PRDM11: variants seen among roughly 807,000 people sequenced by gnomAD.
PRDM11 encodes PR/SET domain 11.
A neutral mutation model predicts 97.8 loss-of-function variants in PRDM11; 20 were observed. The observed-to-expected ratio is 0.20, with a 90% CI of 0.14 to 0.30. The LOEUF (loss-of-function observed/expected upper bound fraction) is 0.30. PRDM11 is among the 10% of genes least tolerant of loss of function. The probability of loss-of-function intolerance (pLI) is 1.00; values close to 1 mark genes in which losing one functional copy is unlikely to be tolerated. For missense variants in PRDM11, 1,139 were observed against 1,555.2 expected, an observed-to-expected ratio of 0.73 and a Z score of 4.50; for synonymous variants, 599 against 637.7, an observed-to-expected ratio of 0.94 and a Z score of 0.91.
chr11:45,124,307 C>T (rs1485800880), intron 1 of PRDM11, among the ~76,000 whole-genome samples: 1 of 152,172 alleles, frequency 6.6e-6, no homozygotes, highest in Non-Finnish European at 1.5e-5. Flanking sequence ...ATTTGACTTC[C>T]TCTTTTCCTA....
chr11:45,132,480 G>A (rs1344747765), intron 1 of PRDM11, among the ~76,000 whole-genome samples: 1 of 152,146 alleles, frequency 6.6e-6, no homozygotes, highest in African/African-American at 2.4e-5. Context: ...TAATAAAAAA[G>A]TCTTAAATGT....
At position 45,231,987 on chromosome 11, in the gene PRDM11, G is replaced by A. The variant is rs932140563; in HGVS notation, c.*3828G>A. ...TGGCAAGGTTCAGTGCTGGGCCCTG[G>A]AATCTATGGCACTTGGGGGTCTCTG... On this transcript the variant is annotated 3_prime_UTR_variant, in exon 8 of 8. Transcript: ENST00000683152. 1 of 152,096 alleles carries A rather than the reference G, an allele frequency of 6.6e-6. No individual in the cohort carries two copies. Among genetic ancestry groups the A allele is most frequent in the East Asian group, 1.9e-4 (1 of 5,190 alleles). 9.4% of individuals were successfully genotyped at this position (152,096 alleles called of 1,614,324 possible).
At chr11:45,097,980 T>C (rs957992511) in intron 1 of PRDM11, among the ~76,000 whole-genome samples, 5 of 152,252 alleles carry the variant, frequency 3.3e-5, no homozygotes, top group African/African-American at 7.2e-5. Context: ...CTGGCTGGGA[T>C]TGGAGATGAA....
At chr11:45,150,040 C>G (rs918178745) in intron 1 of PRDM11, among the ~76,000 whole-genome samples, 1 of 152,192 alleles carries the variant, frequency 6.6e-6, no homozygotes, top group African/African-American at 2.4e-5. Context: ...GGGACTCCCC[C>G]TGCTGTGAGG....
chr11:45,164,391 G>A (rs953451172), intron 1 of PRDM11, among the ~76,000 whole-genome samples: 3 of 152,268 alleles, frequency 2.0e-5, no homozygotes, highest in Admixed American at 2.0e-4. Context: ...CCCTCCTGGG[G>A]CTGTTGGCTG....
Position 45,228,236 on chromosome 11 carries a change from AAATATATAT to A in PRDM11, c.*78_*86del. ...ACTCATAAGCTTTGATATATTATAT[AAATATATAT>A]TATATTATATTATATTATATTATAT... On this transcript the variant is annotated 3_prime_UTR_variant, in exon 8 of 8. Coordinates refer to ENST00000683152, the MANE Select transcript of PRDM11 (RefSeq NM_001384648.1). 2.9e-6 allele frequency: 1 copy of A among 344,174 alleles called. No individual in the cohort carries two copies. Among genetic ancestry groups the A allele is most frequent in the African/African-American group, 3.7e-5 (1 of 26,974 alleles). 21.3% of individuals were successfully genotyped at this position (344,174 alleles called of 1,614,324 possible). A position where few individuals can be genotyped will look rare whatever the true frequency, so the allele number is the denominator to read the frequency against.
Position 45,178,857 on chromosome 11 carries a change from G to C in PRDM11, c.-6-2904G>C, listed in dbSNP as rs561525708. 3.3e-5 allele frequency among the ~76,000 whole-genome samples: 5 copies of C among 152,360 alleles called. No homozygotes were observed. In the South Asian group the frequency reaches 1.0e-3, roughly 32 times the overall value. On this transcript the variant is annotated intron_variant, in intron 1 of 7. Transcript: ENST00000683152. ...CCAGGCACTGTTACAGGTGCTGGCA[G>C]TTCAATGGTGGCCTGCACCCTGTCC...
chr11:45,145,832 G>A (rs149476854), upstream of PRDM11, among the ~76,000 whole-genome samples: 1 of 152,284 alleles, frequency 6.6e-6, no homozygotes, highest in East Asian at 1.9e-4. Flanking sequence ...AGGAAAGCAT[G>A]TCAAGCACTC....
chr11:45,191,696 G>A (rs542401903), intron 4 of PRDM11, among the ~76,000 whole-genome samples: 5 of 152,108 alleles, frequency 3.3e-5, no homozygotes, highest in East Asian at 1.9e-4. Flanking sequence ...ACTGTCTCTC[G>A]TAGGAGCTGT....
In PRDM11 at chr11:45,200,418, G is replaced by A. The variant is rs183525872; in HGVS notation, c.487-4293G>A. Among the ~76,000 whole-genome samples, 112 of 152,282 alleles carry A rather than the reference G, an allele frequency of 7.4e-4. 2 individuals are homozygous for A. The East Asian group carries it at 0.015, about 21-fold the overall frequency. On this transcript the variant is annotated intron_variant, in intron 4 of 7. Transcript: ENST00000683152. ...AGTGCTAACAGTGACTGTTCACTGA[G>A]TGTCTTCCACTTCCATTATGACAGC...
At position 45,111,248 on chromosome 11, in the gene PRDM11, ATCTC is replaced by A. The variant is rs1852172824; in HGVS notation, c.96+15352_96+15355del. ...CTGTCCCTCCACCACTTCCCCTCCC[ATCTC>A]TCTCCCAGCATGTCTCCCTATTTTT... On this transcript the variant is annotated intron_variant, in intron 1 of 6. Transcript: ENST00000530656. Among the ~76,000 whole-genome samples, 2 of 115,850 alleles carry A rather than the reference ATCTC, an allele frequency of 1.7e-5. 1 individual carries two copies. Among genetic ancestry groups the A allele is most frequent in the African/African-American group, 5.0e-5 (2 of 39,866 alleles). The allele number at this position is 115,850 out of a possible 152,430, so 76.0% of individuals were successfully genotyped here. A position where few individuals can be genotyped will look rare whatever the true frequency, so the allele number is the denominator to read the frequency against.
rs1430408926 is a variant in PRDM11 at position 45,224,253 on chromosome 11, T to A, written c.779T>A (p.Val260Asp). Residue 260 changes from valine (V) to aspartate (D), a missense_variant, in exon 7 of 8, where the codon GTT becomes GAT. Coordinates refer to ENST00000683152, the MANE Select transcript of PRDM11 (RefSeq NM_001384648.1). ...TTGCAGAGGGAGAAGTCTGAGCAGG[T>A]TCTGGATAACCCAGAAGACCTGAGG... ...KRLQREKSEQ[V>D]LDNPEDLRGP... 6.2e-7 allele frequency: 1 copy of A among 1,609,926 alleles called. No individual in the cohort carries two copies. The highest frequency in any genetic ancestry group is 1.1e-5 in the South Asian group (1 of 90,168).
At chr11:45,130,614 T>G (rs1159243388) in intron 1 of PRDM11, among the ~76,000 whole-genome samples, 2 of 152,190 alleles carry the variant, frequency 1.3e-5, no homozygotes, top group African/African-American at 2.4e-5. Context: ...TTTTTGAGAG[T>G]GTAAATTGAT....
Position 45,224,473 on chromosome 11 carries a change from A to G in PRDM11, c.999A>G (p.Lys333=). ...LALSTSLVIR[K]VPKYQDDAYS... is the part of the protein sequence containing the mutation. ...TGAGCACCTCACTGGTCATCAGGAA[A>G]GTCCCCAAATACCAGGATGACGCCT... Residue 333 remains lysine (K), a synonymous_variant, in exon 7 of 8, where the codon AAA becomes AAG. Coordinates refer to ENST00000683152, the MANE Select transcript of PRDM11 (RefSeq NM_001384648.1). 1 of 1,614,192 alleles carries G rather than the reference A, an allele frequency of 6.2e-7. No individual in the cohort carries two copies. The highest frequency in any genetic ancestry group is 8.5e-7 in the Non-Finnish European group (1 of 1,180,040).
At position 45,228,925 on chromosome 11, in the gene PRDM11, C is replaced by G. The variant is rs1854342303; in HGVS notation, c.*766C>G. The G allele has an allele frequency of 6.6e-6, 1 of 152,164 alleles. No individual in the cohort carries two copies. Among genetic ancestry groups the G allele is most frequent in the South Asian group, 2.1e-4 (1 of 4,818 alleles). The allele number at this position is 152,164 out of a possible 1,614,324, so 9.4% of individuals were successfully genotyped here. A position where few individuals can be genotyped will look rare whatever the true frequency, so the allele number is the denominator to read the frequency against. ...GAAACTCACAATATTACCCATTATA[C>G]TGAAGGCAACATTGCCTCACCGCTG... On this transcript the variant is annotated 3_prime_UTR_variant, in exon 8 of 8. Transcript: ENST00000683152.
chr11:45,207,681 G>T (rs1056972061), intron 5 of PRDM11, among the ~76,000 whole-genome samples: 1 of 152,194 alleles, frequency 6.6e-6, no homozygotes, highest in African/African-American at 2.4e-5. Context: ...GAGTCCCATG[G>T]CTTGGCCCAA....
At position 45,227,322 on chromosome 11, in the gene PRDM11, G is replaced by C. The variant is rs771865467; in HGVS notation, c.2697G>C (p.Gln899His). The change falls in exon 8 of 8, where the codon CAG (glutamine) becomes CAC (histidine). Residue 899 changes from glutamine (Q) to histidine (H), a missense_variant. Around this residue, in one of 2 missense-constraint regions of PRDM11, gnomAD observed 710 missense variants for 1,044.9 expected, o/e 0.68. Transcript: ENST00000683152. This position sits in a 1 kb window ranked among gnomAD's most constrained non-coding sequence, Gnocchi z 8.0. Reference sequence around the variant, plus strand: ...TCTCGCGTCTGGCCTACATCTTCCAGGGCGAGTACCTGCTGGTGTCCCAGG... The same window carrying C: ...TCTCGCGTCTGGCCTACATCTTCCACGGCGAGTACCTGCTGGTGTCCCAGG... The part of the protein sequence containing the change: ...AVLSRLAYIF[Q>H]GEYLLVSQVD... The C allele has an allele frequency of 1.3e-6, 2 of 1,533,984 alleles. No homozygotes were observed. Among genetic ancestry groups the C allele is most frequent in the South Asian group, 1.2e-5 (1 of 83,964 alleles).
intron 1 of PRDM11, among the ~76,000 whole-genome samples, chr11:45,171,713 A>G (rs1309161170): frequency 6.6e-6 from 1 of 152,226 alleles, no homozygotes; most frequent in East Asian, 1.9e-4. Flanking sequence ...AGGATGGCTC[A>G]TGGCTGCAGG....
intron 1 of PRDM11, among the ~76,000 whole-genome samples, chr11:45,150,725 C>G (rs1025870603): frequency 2.0e-5 from 3 of 152,136 alleles, no homozygotes; most frequent in East Asian, 1.9e-4. Context: ...CCCTGCTCAT[C>G]TGGATAGTAT....
Sources: gnomAD v4.1 joint callset for allele counts (sites outside exome capture counted in the v4.1 genomes callset) on GRCh38, gnomAD v4.1.1 for gene constraint, gnomAD v4.1.1 regional missense constraint, Gnocchi (gnomAD v3.1) non-coding constraint, MANE v1.5 for transcripts, NCBI Gene and HGNC (gene_info 2026-07-23, HGNC 2026-07-21) for gene names.